The following LRP1B variants were observed in gnomAD, a reference collection of about 807,000 sequenced individuals.
LRP1B encodes the protein LDL receptor related protein 1B, also known as low-density lipoprotein receptor-related protein 1B.
In LRP1B, 217 loss-of-function variants were observed where a neutral mutation model predicts 556.6. That is an observed-to-expected ratio of 0.39 (90% CI 0.35 to 0.44). The LOEUF (loss-of-function observed/expected upper bound fraction) is 0.44, where lower values mean the gene tolerates loss of function less well. LRP1B is among the 20% of genes least tolerant of loss of function. The pLI, the probability that LRP1B is intolerant of heterozygous loss-of-function variation, is 1.00. For synonymous variants in LRP1B, 2,047 were observed against 1,865.8 expected (o/e 1.10, Z -2.50); for missense variants, 5,053 against 5,620.8 (o/e 0.90, Z 3.23).
chr2:140,340,522 A>G (rs1356562994), intron 77 of LRP1B, among the ~76,000 whole-genome samples: 3 of 151,544 alleles, frequency 2.0e-5, no homozygotes, highest in East Asian at 1.9e-4. Flanking sequence ...GGTCATTCAC[A>G]TATGTGAAAT....
chr2:140,641,640 T>A (rs1209841222), intron 41 of LRP1B, among the ~76,000 whole-genome samples: 1 of 152,210 alleles, frequency 6.6e-6, no homozygotes, highest in Non-Finnish European at 1.5e-5. Context: ...TTCAGTGTCC[T>A]GTTCTGCACT....
intron 1 of LRP1B, among the ~76,000 whole-genome samples, chr2:141,920,171 G>A (rs991648421): frequency 2.0e-5 from 3 of 149,798 alleles, no homozygotes; most frequent in Admixed American, 6.7e-5. Context: ...TTGCTCTTCC[G>A]AACTCAGTCT....
chr2:140,375,045 T>G (rs1205906471), intron 68 of LRP1B, among the ~76,000 whole-genome samples: 3 of 152,110 alleles, frequency 2.0e-5, no homozygotes, highest in Non-Finnish European at 4.4e-5. Context: ...TACTATAGAA[T>G]AGCTCACATT....
chr2:141,465,318 G>A (rs759787443), intron 3 of LRP1B, among the ~76,000 whole-genome samples: 3 of 151,490 alleles, frequency 2.0e-5, no homozygotes, highest in Non-Finnish European at 4.4e-5. Context: ...TGTGAGGGGA[G>A]AGAAAAAGGG....
At chr2:141,888,320 A>G (rs913387749) in intron 1 of LRP1B, among the ~76,000 whole-genome samples, 5 of 152,202 alleles carry the variant, frequency 3.3e-5, no homozygotes, top group African/African-American at 1.2e-4. Flanking sequence ...CCAGTTCAAT[A>G]TGTGACCTGA....
chr2:140,794,011 G>A (rs1339409908), intron 32 of LRP1B, among the ~76,000 whole-genome samples: 4 of 151,912 alleles, frequency 2.6e-5, no homozygotes, highest in Admixed American at 2.0e-4. Context: ...GAACCCTTAT[G>A]CTTATACCTG....
At chr2:142,028,732 A>G (rs1703588654) in intron 1 of LRP1B, among the ~76,000 whole-genome samples, 1 of 152,004 alleles carries the variant, frequency 6.6e-6, no homozygotes, top group Non-Finnish European at 1.5e-5. Context: ...TTTATATAAG[A>G]AAGTGTCAAC....
At chr2:140,867,864 G>T in intron 26 of LRP1B, 30 bp from the exon 27 acceptor site, 1 of 1,492,918 alleles carries the variant, frequency 6.7e-7, no homozygotes, top group Non-Finnish European at 8.9e-7. Flanking sequence ...TGAGTAGTTT[G>T]TCAAAACTCA....
chr2:141,502,586 C>T (rs7583765), intron 2 of LRP1B, among the ~76,000 whole-genome samples: 43,816 of 152,022 alleles, frequency 0.29, 7,038 homozygotes, highest in East Asian at 0.62. Flanking sequence ...GCTGGCTGGG[C>T]GCAGTGGCTC....
chr2:140,387,774 T>C (rs560184454), intron 66 of LRP1B, among the ~76,000 whole-genome samples: 4 of 152,270 alleles, frequency 2.6e-5, no homozygotes, highest in African/African-American at 9.6e-5. Flanking sequence ...CCTCAGTCAA[T>C]CAGGAAATAT....
At chr2:140,918,770 A>C (rs912009196) in intron 21 of LRP1B, among the ~76,000 whole-genome samples, 1 of 152,110 alleles carries the variant, frequency 6.6e-6, no homozygotes, top group Non-Finnish European at 1.5e-5. Context: ...TTGGCATATC[A>C]TAAGAAGATT....
At chr2:141,725,285 C>T (rs930350413) in intron 2 of LRP1B, among the ~76,000 whole-genome samples, 3 of 151,746 alleles carry the variant, frequency 2.0e-5, no homozygotes, top group Admixed American at 2.0e-4. Context: ...TATAAATAAA[C>T]CTTTCAAAAA....
At chr2:141,834,861 G>A (rs2437293) in intron 1 of LRP1B, among the ~76,000 whole-genome samples, 104,508 of 151,764 alleles carry the variant, frequency 0.69, 36,232 homozygotes, top group Middle Eastern at 0.81. Flanking sequence ...CCATAATCAA[G>A]CAAAAAAGTG....
At chr2:140,249,720 T>G (rs1467109547) in intron 86 of LRP1B, among the ~76,000 whole-genome samples, 1 of 151,826 alleles carries the variant, frequency 6.6e-6, no homozygotes, top group Non-Finnish European at 1.5e-5. Context: ...AGTTATTAAA[T>G]AGAAATCATT....
intron 68 of LRP1B, among the ~76,000 whole-genome samples, chr2:140,373,823 C>A (rs2105173741): frequency 6.6e-6 from 1 of 152,164 alleles, no homozygotes; most frequent in African/African-American, 2.4e-5. Context: ...GCAACTACAT[C>A]CAGTTTATTG....
At chr2:141,698,737 A>AG (rs979158538) in intron 2 of LRP1B, among the ~76,000 whole-genome samples, 7 of 144,930 alleles carry the variant, frequency 4.8e-5, no homozygotes, top group Non-Finnish European at 1.1e-4. Flanking sequence ...TTCAGAACGG[A>AG]AAAAAAAAAA....
intron 16 of LRP1B, among the ~76,000 whole-genome samples, chr2:140,991,929 T>C (rs1228600987): frequency 1.3e-5 from 2 of 152,052 alleles, no homozygotes; most frequent in Non-Finnish European, 2.9e-5. Context: ...GAGCAGGAAG[T>C]ATTGTATATG....
intron 6 of LRP1B, among the ~76,000 whole-genome samples, chr2:141,191,293 A>T (rs1681494402): frequency 6.6e-6 from 1 of 151,970 alleles, no homozygotes; most frequent in East Asian, 1.9e-4. Flanking sequence ...GCATGGTCCC[A>T]GCTGGAGAAC....
At chr2:141,607,793 C>T (rs1687971266) in intron 2 of LRP1B, among the ~76,000 whole-genome samples, 1 of 152,062 alleles carries the variant, frequency 6.6e-6, no homozygotes, top group African/African-American at 2.4e-5. Context: ...GGCATGGTTG[C>T]ACATCTGTCG....
Sources: gnomAD v4.1 joint callset for allele counts (sites outside exome capture counted in the v4.1 genomes callset) on GRCh38, gnomAD v4.1.1 for gene constraint, MANE v1.5 for transcripts, NCBI Gene and HGNC (gene_info 2026-07-23, HGNC 2026-07-21) for gene names.